Variants in TBC1D4 observed in about 807,000 individuals in gnomAD.
The protein encoded by TBC1D4 is TBC (Tre-2, BUB2, CDC16) domain-containing protein.
In TBC1D4, 121 loss-of-function variants were observed where a neutral mutation model predicts 142.5. That is an observed-to-expected ratio of 0.85 (90% CI 0.73 to 0.99). The LOEUF is 0.99. TBC1D4 is among the 50% of genes least tolerant of loss of function. The pLI is 0.00. For missense variants in TBC1D4, 1,475 were observed against 1,606.6 expected (o/e 0.92, Z 1.40); for synonymous variants, 630 against 628.2 (o/e 1.00, Z -0.04).
intron 1 of TBC1D4, among the ~76,000 whole-genome samples, chr13:75,421,392 C>T (rs553526896): frequency 1.4e-4 from 22 of 152,298 alleles, no homozygotes; most frequent in Non-Finnish European, 2.8e-4. Flanking sequence ...TTCACAAAAT[C>T]TTTGAAGACA....
chr13:75,322,059 G>C (rs1878823922), intron 11 of TBC1D4, among the ~76,000 whole-genome samples: 1 of 152,222 alleles, frequency 6.6e-6, no homozygotes, highest in African/African-American at 2.4e-5. Flanking sequence ...CAGGCATGCT[G>C]CTAGCATTCC....
chr13:75,423,839 G>A (rs536375114), intron 1 of TBC1D4, among the ~76,000 whole-genome samples: 1 of 152,276 alleles, frequency 6.6e-6, no homozygotes. Context: ...GTGGACAAAG[G>A]GGAGTTGTTT....
chr13:75,467,071 A>G lies in TBC1D4; in HGVS notation c.498+14199T>C, dbSNP rs564052624. 3.9e-5 allele frequency among the ~76,000 whole-genome samples: 6 copies of G among 152,258 alleles called. No individual in the cohort carries two copies. In the South Asian group the frequency reaches 1.2e-3, roughly 32 times the overall value. On this transcript the variant is annotated intron_variant, in intron 1 of 20. Transcript: ENST00000377636. ...ACAATCACAGGCACAAAAAAAATCT[A>G]TTAACCTGACTGGTTCCTAAGTAAA...
chr13:75,383,092 C>A (rs529417841), intron 1 of TBC1D4, among the ~76,000 whole-genome samples: 1 of 152,302 alleles, frequency 6.6e-6, no homozygotes, highest in Admixed American at 6.5e-5. Flanking sequence ...GAGGCAGAGG[C>A]AGGCGGCTCA....
intron 7 of TBC1D4, among the ~76,000 whole-genome samples, chr13:75,340,341 T>C (rs1214836019): frequency 6.6e-6 from 1 of 152,218 alleles, no homozygotes; most frequent in Non-Finnish European, 1.5e-5. Flanking sequence ...GTGGTCCTGC[T>C]TCTTCTATAT....
chr13:75,349,096 T>G, intron 5 of TBC1D4, 74 bp downstream of exon 5: 1 of 1,606,802 alleles, frequency 6.2e-7, no homozygotes. Flanking sequence ...AACTATTCAA[T>G]GACAATAGGG....
At chr13:75,363,331 CTGTGAAAG>C (rs1274993703) in intron 1 of TBC1D4, among the ~76,000 whole-genome samples, 1 of 152,182 alleles carries the variant, frequency 6.6e-6, no homozygotes, top group Non-Finnish European at 1.5e-5. Flanking sequence ...TCCCAATACC[CTGTGAAAG>C]GAAAATATCT....
At chr13:75,421,010 C>T (rs1037882787) in intron 1 of TBC1D4, among the ~76,000 whole-genome samples, 14 of 152,106 alleles carry the variant, frequency 9.2e-5, no homozygotes, top group East Asian at 1.9e-4. Context: ...AAAGCAGAGA[C>T]GAATAAAAAC....
chr13:75,299,533 C>T lies in TBC1D4; in HGVS notation c.2953G>A (p.Gly985Arg). ...TTAAACAGTGACAGCTGTCCTGGCC[C>T]AAGCTGTACTGAAAAGTAAGGGTGA... ...PTHPYFSVQLGPGQLSLFNLL... is the reference protein window; with the variant it reads ...PTHPYFSVQLRPGQLSLFNLL... The change falls in exon 17 of 21, where the codon GGG becomes AGG. Residue 985 changes from glycine to arginine, a missense_variant. Transcript: ENST00000377636. The T allele has an allele frequency of 6.2e-7, 1 of 1,614,158 alleles. No homozygotes were observed. The highest frequency in any genetic ancestry group is 8.5e-7 in the Non-Finnish European group (1 of 1,180,010).
At chr13:75,393,527 A>G (rs966211953) in intron 1 of TBC1D4, among the ~76,000 whole-genome samples, 2 of 152,212 alleles carry the variant, frequency 1.3e-5, no homozygotes, top group African/African-American at 2.4e-5. Context: ...TGCACAGGCG[A>G]GACCTACAAA....
At chr13:75,312,386 C>A (rs905128504) in intron 13 of TBC1D4, among the ~76,000 whole-genome samples, 24 of 141,570 alleles carry the variant, frequency 1.7e-4, no homozygotes, top group African/African-American at 6.7e-4. Flanking sequence ...CAACCCCAGC[C>A]TGGGCAACAG....
chr13:75,386,724 G>C (rs1884196491), intron 1 of TBC1D4, among the ~76,000 whole-genome samples: 1 of 151,756 alleles, frequency 6.6e-6, no homozygotes, highest in Admixed American at 6.6e-5. Flanking sequence ...ATAAAGACAA[G>C]TACAAATAAA....
intron 1 of TBC1D4, among the ~76,000 whole-genome samples, chr13:75,373,406 G>A (rs141788678): frequency 1.7e-4 from 26 of 152,206 alleles, no homozygotes; most frequent in African/African-American, 5.8e-4. Context: ...AATCCTAACC[G>A]CAGGCCATCC....
chr13:75,310,902 A>T (rs1009981612), intron 13 of TBC1D4, among the ~76,000 whole-genome samples: 1 of 152,106 alleles, frequency 6.6e-6, no homozygotes, highest in Non-Finnish European at 1.5e-5. Context: ...AACATGCAGT[A>T]TTTGGTTTTC....
chr13:75,405,339 G>A (rs1057278098), intron 1 of TBC1D4, among the ~76,000 whole-genome samples: 1 of 140,726 alleles, frequency 7.1e-6, no homozygotes, highest in Non-Finnish European at 1.5e-5. Context: ...GTGCAATCTC[G>A]GCTCACTGCA....
At chr13:75,383,348 T>C (rs1418120315) in intron 1 of TBC1D4, among the ~76,000 whole-genome samples, 1 of 152,178 alleles carries the variant, frequency 6.6e-6, no homozygotes, top group Non-Finnish European at 1.5e-5. Flanking sequence ...AACAAAAGCC[T>C]ATCCTGAATT....
intron 1 of TBC1D4, among the ~76,000 whole-genome samples, chr13:75,390,362 G>A (rs1427091731): frequency 1.3e-5 from 2 of 151,886 alleles, no homozygotes; most frequent in African/African-American, 4.8e-5. Flanking sequence ...ATGGTCAAGA[G>A]GTCTGGGTCC....
intron 1 of TBC1D4, among the ~76,000 whole-genome samples, chr13:75,392,861 A>C (rs1884563339): frequency 6.6e-6 from 1 of 151,906 alleles, no homozygotes; most frequent in Non-Finnish European, 1.5e-5. Flanking sequence ...GCTTGTCTTG[A>C]ACTCCTAGCC....
At chr13:75,347,898 G>A (rs1881281307) in intron 5 of TBC1D4, among the ~76,000 whole-genome samples, 1 of 152,180 alleles carries the variant, frequency 6.6e-6, no homozygotes, top group Non-Finnish European at 1.5e-5. Context: ...CACTTTGGGA[G>A]GCCAGGACAG....
Sources: allele counts gnomAD v4.1 joint callset (sites outside exome capture counted in the v4.1 genomes callset), GRCh38; gene constraint gnomAD v4.1.1; transcripts MANE v1.5; gene names NCBI Gene and HGNC (gene_info 2026-07-23, HGNC 2026-07-21).